Variants in ANKHD1 observed in about 807,000 individuals in gnomAD.
ANKHD1 encodes ankyrin repeat and KH domain containing 1, also known as ankyrin repeat and KH domain-containing protein 1.
A neutral mutation model predicts 230.5 loss-of-function variants in ANKHD1; 31 were observed. The observed-to-expected ratio is 0.13, with a 90% confidence interval of 0.10 to 0.18. The LOEUF is 0.18. Ranked by LOEUF, ANKHD1 falls within the 10% of genes least tolerant of loss-of-function variation. The pLI is 1.00. For synonymous variants in ANKHD1, 1,074 were observed against 1,117.6 expected (o/e 0.96, Z 0.78); for missense variants, 2,256 against 3,071.3 (o/e 0.73, Z 6.27).
Position 140,506,828 on chromosome 5 carries a change from T to G in ANKHD1, c.3409-7T>G, listed in dbSNP as rs764751551. 1 of 1,613,984 alleles carries G rather than the reference T, an allele frequency of 6.2e-7. No homozygotes were observed. The highest frequency in any genetic ancestry group is 8.5e-7 in the Non-Finnish European group (1 of 1,179,956). On this transcript the variant is annotated splice_polypyrimidine_tract_variant and splice_region_variant and intron_variant, in intron 18 of 33. Transcript: ENST00000360839. The surrounding 1 kb of genome is among the most constrained non-coding windows in gnomAD (Gnocchi z 4.7). ...ACTCTCTTCTCTATCCATATTTTAC[T>G]TTGTAGGTGGTAGACTTGCTGCTGG...
At chr5:140,486,915 ATTC>A (rs757437077) in intron 13 of ANKHD1, 40 bp from the exon 14 acceptor site, 1 of 1,590,864 alleles carries the variant, frequency 6.3e-7, no homozygotes, top group African/African-American at 1.4e-5. Flanking sequence ...CCTTTGTCTT[ATTC>A]TTTGGTCTGA....
intron 1 of ANKHD1, among the ~76,000 whole-genome samples, chr5:140,419,310 T>G (rs1056238711): frequency 1.1e-4 from 2 of 17,912 alleles, no homozygotes; most frequent in African/African-American, 2.7e-4. Context: ...GTTGATTGGG[T>G]TTTTTTTATA....
chr5:140,431,442 C>T (rs1021014879), intron 1 of ANKHD1, among the ~76,000 whole-genome samples: 1 of 152,116 alleles, frequency 6.6e-6, no homozygotes, highest in Non-Finnish European at 1.5e-5. Context: ...TGGTGAGGGA[C>T]AGGACAAAAG....
At chr5:140,419,392 A>G (rs185633337) in intron 1 of ANKHD1, among the ~76,000 whole-genome samples, 64 of 151,010 alleles carry the variant, frequency 4.2e-4, no homozygotes, top group Middle Eastern at 3.4e-3. Flanking sequence ...TAGTTCCTTA[A>G]CAGATCCATG....
chr5:140,531,168 ACCTT>A (rs1753797658), intron 29 of ANKHD1, among the ~76,000 whole-genome samples: 1 of 152,154 alleles, frequency 6.6e-6, no homozygotes, highest in South Asian at 2.1e-4. Flanking sequence ...TTAATCCTTG[ACCTT>A]CCTTCTAGGG....
At chr5:140,469,966 C>T (rs1038373755) in intron 10 of ANKHD1, among the ~76,000 whole-genome samples, 2 of 151,810 alleles carry the variant, frequency 1.3e-5, no homozygotes, top group African/African-American at 4.8e-5. Context: ...AATTTATTCT[C>T]CCCCTCAAAA....
chr5:140,530,965 A>G (rs1753786000), intron 29 of ANKHD1, among the ~76,000 whole-genome samples: 1 of 152,264 alleles, frequency 6.6e-6, no homozygotes, highest in Non-Finnish European at 1.5e-5. Flanking sequence ...TAGCTGTTAT[A>G]TTGTATTTCA....
intron 29 of ANKHD1, 80 bp from the exon 30 acceptor site, chr5:140,535,282 C>A: frequency 6.7e-7 from 1 of 1,494,058 alleles, no homozygotes; most frequent in Non-Finnish European, 8.9e-7. Flanking sequence ...TACAGCTTAT[C>A]TCACTTTGGT....
intron 20 of ANKHD1, among the ~76,000 whole-genome samples, chr5:140,509,080 A>G (rs1752655325): frequency 6.6e-6 from 1 of 152,182 alleles, no homozygotes; most frequent in South Asian, 2.1e-4. Context: ...GTAATGAGGA[A>G]GTGTAGTTTT....
intron 7 of ANKHD1, among the ~76,000 whole-genome samples, chr5:140,451,961 T>C (rs1774770235): frequency 6.6e-6 from 1 of 152,196 alleles, no homozygotes; most frequent in African/African-American, 2.4e-5. Flanking sequence ...AAGAGCAGTT[T>C]CCAAGATGGC....
chr5:140,403,941 A>T (rs979306072), intron 1 of ANKHD1, among the ~76,000 whole-genome samples: 20 of 152,334 alleles, frequency 1.3e-4, no homozygotes, highest in African/African-American at 4.3e-4. Context: ...AGGTCTGAAC[A>T]GGGTTTTATT....
chr5:140,484,132 C>G (rs1012506561), intron 11 of ANKHD1, among the ~76,000 whole-genome samples: 1 of 152,098 alleles, frequency 6.6e-6, no homozygotes, highest in African/African-American at 2.4e-5. Flanking sequence ...TACTTTTATG[C>G]AAGTTAGGAT....
At chr5:140,504,223 G>T (rs1392169573) in intron 15 of ANKHD1, among the ~76,000 whole-genome samples, 1 of 151,532 alleles carries the variant, frequency 6.6e-6, no homozygotes, top group African/African-American at 2.4e-5. Context: ...CTAACTTTCT[G>T]TTTTTTTTAG....
At chr5:140,510,359 C>T (rs1424290384) in intron 22 of ANKHD1, among the ~76,000 whole-genome samples, 178 bp downstream of exon 22, 1 of 125,606 alleles carries the variant, frequency 8.0e-6, no homozygotes, top group Non-Finnish European at 1.6e-5. Flanking sequence ...GTCACATAGG[C>T]TAGAATGCAG....
chr5:140,491,733 A>G (rs747261480), intron 14 of ANKHD1, among the ~76,000 whole-genome samples: 1 of 152,178 alleles, frequency 6.6e-6, no homozygotes, highest in Non-Finnish European at 1.5e-5. Flanking sequence ...ATGGATCTAT[A>G]TAAGAATTTC....
intron 1 of ANKHD1, among the ~76,000 whole-genome samples, chr5:140,419,774 T>TTTTCTTTCTTTCTTTCTCTCTTTC (rs1771729827): frequency 1.2e-5 from 1 of 86,826 alleles, no homozygotes; most frequent in Non-Finnish European, 2.7e-5. Context: ...TTTCCTTTCT[T>TTTTCTTTCTTTCTTTCTCTCTTTC]TTTCTTTCTT....
chr5:140,505,272 A>G (rs747012191), intron 17 of ANKHD1, 39 bp downstream of exon 17: 3 of 1,604,528 alleles, frequency 1.9e-6, no homozygotes, highest in Non-Finnish European at 2.6e-6. Context: ...GTGTAGTTAC[A>G]TCAGAAAATA....
chr5:140,409,881 A>G (rs989531540), intron 1 of ANKHD1, among the ~76,000 whole-genome samples: 2 of 152,006 alleles, frequency 1.3e-5, no homozygotes, highest in African/African-American at 2.4e-5. Context: ...ACAAATATCA[A>G]CCTTTCACAA....
At position 140,528,783 on chromosome 5, in the gene ANKHD1, A is replaced by G; in HGVS notation, c.5837A>G (p.Gln1946Arg). 6.2e-7 allele frequency: 1 copy of G among 1,614,094 alleles called. No homozygotes were observed. Among genetic ancestry groups the G allele is most frequent in the Non-Finnish European group, 8.5e-7 (1 of 1,180,030 alleles). Reference protein sequence around the residue: ...TVSSVVAASQQLCVTNTRTPS... With the variant: ...TVSSVVAASQRLCVTNTRTPS... Reference sequence around the variant, plus strand: ...TCTTCTGTAGTTGCTGCCAGTCAGCAACTGTGTGTCACTAATACCCGGACT... The same window carrying G: ...TCTTCTGTAGTTGCTGCCAGTCAGCGACTGTGTGTCACTAATACCCGGACT... The change falls in exon 29 of 34, where the codon CAA becomes CGA. Residue 1946 changes from glutamine to arginine, a missense_variant. By Grantham distance (43) the Gln-to-Arg change is conservative. This residue lies in a region of ANKHD1 where 778 missense variants were observed against 966.5 expected (regional missense o/e 0.80). Transcript: ENST00000360839.
Sources: gnomAD v4.1 joint callset for allele counts (sites outside exome capture counted in the v4.1 genomes callset) on GRCh38, gnomAD v4.1.1 for gene constraint, gnomAD v4.1.1 regional missense constraint, Gnocchi (gnomAD v3.1) non-coding constraint, MANE v1.5 for transcripts, NCBI Gene and HGNC (gene_info 2026-07-23, HGNC 2026-07-21) for gene names.